Variants in CRACDL observed in about 807,000 individuals in gnomAD.
The protein encoded by CRACDL is CRACD like, also known as CRACD-like protein.
A neutral mutation model predicts 70.6 loss-of-function variants in CRACDL; 26 were observed. The observed-to-expected ratio is 0.37, with a 90% CI of 0.27 to 0.51. The LOEUF (loss-of-function observed/expected upper bound fraction) is 0.51, where lower values mean the gene tolerates loss of function less well. Among genes scored for constraint, CRACDL ranks in the 20% least tolerant of loss-of-function variants. The pLI, the probability that CRACDL is intolerant of heterozygous loss-of-function variation, is 0.94. For synonymous variants in CRACDL, 618 were observed against 615.2 expected (o/e 1.00, Z -0.07); for missense variants, 1,283 against 1,376.9 (o/e 0.93, Z 1.08).
intron 7 of CRACDL, among the ~76,000 whole-genome samples, chr2:98,815,732 A>G (rs1319493685): frequency 3.3e-5 from 5 of 152,176 alleles, no homozygotes; most frequent in African/African-American, 4.8e-5. Context: ...TGGAAGGGCT[A>G]AAGGACCGTT....
At position 98,796,170 on chromosome 2, in the gene CRACDL, T is replaced by C. The variant is rs200332992; in HGVS notation, c.2699A>G (p.Asn900Ser). 6.2e-7 allele frequency: 1 copy of C among 1,614,234 alleles called. No homozygotes were observed. Among genetic ancestry groups the C allele is most frequent in the African/African-American group, 1.3e-5 (1 of 75,064 alleles). Residue 900 changes from asparagine to serine, a missense_variant, in exon 9 of 10, where the codon AAC (asparagine) becomes AGC (serine). By Grantham distance (46) the Asn-to-Ser change is conservative (BLOSUM62 1). Transcript: ENST00000397899. ...AVDRKQGAKL[N>S]FKEGLQRGIS... is the part of the protein sequence containing the mutation. ...TCCTCTTTGCAGCCCCTCCTTGAAG[T>C]TGAGCTTTGCCCCCTGCTTCCGGTC...
At chr2:98,933,737 C>T (rs945969428) in intron 1 of CRACDL, among the ~76,000 whole-genome samples, 2 of 152,192 alleles carry the variant, frequency 1.3e-5, no homozygotes, top group Non-Finnish European at 2.9e-5. Flanking sequence ...ACCCACCCTC[C>T]TGGAGGCCTG....
chr2:98,800,166 A>C (rs1232952701), intron 7 of CRACDL, among the ~76,000 whole-genome samples: 3 of 152,230 alleles, frequency 2.0e-5, no homozygotes, highest in African/African-American at 7.2e-5. Context: ...TTGTTCCTTC[A>C]AAAAGCTCAA....
chr2:98,802,833 G>T (rs1704135602), intron 7 of CRACDL, among the ~76,000 whole-genome samples: 1 of 152,184 alleles, frequency 6.6e-6, no homozygotes, highest in East Asian at 1.9e-4. Context: ...AAATTCCCAG[G>T]TTGCTTGCCT....
chr2:98,915,326 C>T (rs1453424928), intron 1 of CRACDL, among the ~76,000 whole-genome samples: 1 of 152,176 alleles, frequency 6.6e-6, no homozygotes, highest in African/African-American at 2.4e-5. Flanking sequence ...CAGGAGCTGA[C>T]CGGAGCAGGT....
intron 1 of CRACDL, among the ~76,000 whole-genome samples, chr2:98,862,222 T>C (rs1202596506): frequency 6.6e-6 from 1 of 152,150 alleles, no homozygotes; most frequent in Non-Finnish European, 1.5e-5. Context: ...AAGTTTATAC[T>C]TCAGGCTGAT....
chr2:98,837,788 A>C (rs1705861553), intron 3 of CRACDL, among the ~76,000 whole-genome samples: 1 of 152,172 alleles, frequency 6.6e-6, no homozygotes, highest in South Asian at 2.1e-4. Flanking sequence ...TCCTCAAAAG[A>C]GTTTTAAGTC....
chr2:98,930,820 G>A (rs945717533), intron 1 of CRACDL, among the ~76,000 whole-genome samples: 5 of 152,166 alleles, frequency 3.3e-5, no homozygotes, highest in African/African-American at 1.2e-4. Context: ...GGTCCTAACT[G>A]GTAGTTATAA....
chr2:98,914,164 G>A (rs1378053485), intron 1 of CRACDL, among the ~76,000 whole-genome samples: 1 of 152,244 alleles, frequency 6.6e-6, no homozygotes, highest in Non-Finnish European at 1.5e-5. Flanking sequence ...GTAGGGGGAG[G>A]AGGCAGGAGC....
chr2:98,795,077 A>ATATATATATATTTTT, intron 9 of CRACDL, among the ~76,000 whole-genome samples: 2 of 58,510 alleles, frequency 3.4e-5, no homozygotes. Context: ...ATATATATAT[A>ATATATATATATTTTT]TTTTTTTTTT....
At position 98,832,372 on chromosome 2, in the gene CRACDL, G is replaced by A. The variant is rs1441755076; in HGVS notation, c.516C>T (p.Asp172=). 5.6e-6 allele frequency: 9 copies of A among 1,614,090 alleles called. No individual in the cohort carries two copies. The highest frequency in any genetic ancestry group is 2.7e-5 in the African/African-American group (2 of 74,938). Residue 172 remains aspartate, a synonymous_variant, in exon 5 of 10, where the codon GAC becomes GAT. Transcript: ENST00000397899. ...CCTTTATGGTGGTACCAGGACCCAC[G>A]TCGTGCAGCAGAGACATCTCTGGGG... ...RSPPEMSLLH[D]VGPGTTIKVS...
chr2:98,804,548 G>A (rs150160999), intron 7 of CRACDL, among the ~76,000 whole-genome samples: 319 of 152,232 alleles, frequency 2.1e-3, no homozygotes, highest in African/African-American at 7.1e-3. Context: ...TATCTTTTTT[G>A]TAGTCTACTC....
At chr2:98,930,006 T>C (rs1709030043) in intron 1 of CRACDL, among the ~76,000 whole-genome samples, 1 of 152,152 alleles carries the variant, frequency 6.6e-6, no homozygotes, top group Non-Finnish European at 1.5e-5. Context: ...CAGAGGAACC[T>C]GATATTCCCT....
intron 2 of CRACDL, among the ~76,000 whole-genome samples, chr2:98,838,684 A>ATAAAT (rs1705899332): frequency 6.6e-6 from 1 of 152,188 alleles, no homozygotes; most frequent in Admixed American, 6.5e-5. Context: ...ATAAAATAAA[A>ATAAAT]TAAAAATTAT....
In CRACDL at chr2:98,795,077, A is replaced by ATATTTTTTT; in HGVS notation, c.2750-407_2750-406insAAAAAAATA. ...TATATATATATATATATATATATAT[A>ATATTTTTTT]TTTTTTTTTTTTTTTGAGACAGAAG... On this transcript the variant is annotated intron_variant, in intron 9 of 9. Transcript: ENST00000397899. 5.5e-4 allele frequency among the ~76,000 whole-genome samples: 32 copies of ATATTTTTTT among 58,484 alleles called. 1 individual carries two copies. Among genetic ancestry groups the ATATTTTTTT allele is most frequent in the East Asian group, 1.2e-3 (2 of 1,634 alleles). The allele number at this position is 58,484 out of a possible 152,430, so 38.4% of individuals were successfully genotyped here.
At position 98,867,943 on chromosome 2, in the gene CRACDL, G is replaced by A. The variant is rs184671033; in HGVS notation, c.-10-21133C>T. Among the ~76,000 whole-genome samples, 372 of 152,292 alleles carry A rather than the reference G, an allele frequency of 2.4e-3. 1 individual carries two copies. The highest frequency in any genetic ancestry group is 2.6e-3 in the Non-Finnish European group (177 of 68,022). ...ATTTCTGCAGCACAGCAGATGTGGA[G>A]CTGAATTTGTTTTTGTTTTTGTTTT... On this transcript the variant is annotated intron_variant, in intron 1 of 9. Coordinates refer to ENST00000397899, the MANE Select transcript of CRACDL (RefSeq NM_207362.3).
chr2:98,890,607 G>A (rs1417324349), intron 1 of CRACDL, among the ~76,000 whole-genome samples: 1 of 152,198 alleles, frequency 6.6e-6, no homozygotes, highest in Non-Finnish European at 1.5e-5. Flanking sequence ...TATCCAAAAT[G>A]CTTGGGATCA....
intron 2 of CRACDL, among the ~76,000 whole-genome samples, chr2:98,842,868 T>TTGTGTGTGTGTG (rs67398751): frequency 3.1e-4 from 45 of 145,070 alleles, no homozygotes; most frequent in African/African-American, 1.1e-3. Context: ...TTGCTATAGT[T>TTGTGTGTGTGTG]TGTGTGTGTG....
chr2:98,872,611 T>C (rs1707379628), intron 1 of CRACDL, among the ~76,000 whole-genome samples: 1 of 152,118 alleles, frequency 6.6e-6, no homozygotes, highest in African/African-American at 2.4e-5. Context: ...TAAAACTAAA[T>C]AAAATAAAAG....
Sources: gnomAD v4.1 joint callset for allele counts (sites outside exome capture counted in the v4.1 genomes callset) on GRCh38, gnomAD v4.1.1 for gene constraint, MANE v1.5 for transcripts, NCBI Gene and HGNC (gene_info 2026-07-23, HGNC 2026-07-21) for gene names.